NUDT5: variants seen among roughly 807,000 people sequenced by gnomAD.
NUDT5 encodes the protein ADP-sugar pyrophosphatase.
In NUDT5, 21 loss-of-function variants were observed where a neutral mutation model predicts 34.1. The ratio of observed to expected loss-of-function variants is 0.62; its 90% confidence interval spans 0.44 to 0.89. NUDT5 has a LOEUF of 0.89. Among genes scored for constraint, NUDT5 ranks in the 40% least tolerant of loss-of-function variants. NUDT5 has a pLI of 0.00. For synonymous variants in NUDT5, 85 were observed against 97.6 expected (o/e 0.87, Z 0.76); for missense variants, 249 against 274.8 (o/e 0.91, Z 0.66).
chr10:12,185,089 G>C (rs1835104402), intron 2 of NUDT5, 133 bp from the exon 3 acceptor site: 3 of 563,028 alleles, frequency 5.3e-6, no homozygotes, highest in Non-Finnish European at 3.1e-6. Context: ...AATAATCTGT[G>C]GGCACGTTTT....
At chr10:12,194,843 A>C (rs919122597) in intron 1 of NUDT5, among the ~76,000 whole-genome samples, 2 of 152,194 alleles carry the variant, frequency 1.3e-5, no homozygotes, top group East Asian at 3.9e-4. Context: ...TCGTGTGGTA[A>C]GCGACACGAC....
At position 12,165,644 on chromosome 10, in the gene NUDT5, G is replaced by C. The variant is rs1006695505; in HGVS notation, c.*2058C>G. 2.0e-5 allele frequency: 3 copies of C among 152,290 alleles called. No individual in the cohort carries two copies. Among genetic ancestry groups the C allele is most frequent in the African/African-American group, 7.2e-5 (3 of 41,444 alleles). The allele number at this position is 152,290 out of a possible 1,614,324, so 9.4% of individuals were successfully genotyped here. ...CTCCATTTGAAAGAGCATAGATCTT[G>C]GTAAATCATTTTGAAAACTATGTGC... On this transcript the variant is annotated 3_prime_UTR_variant, in exon 10 of 10. Coordinates refer to ENST00000491614, the MANE Select transcript of NUDT5 (RefSeq NM_014142.4).
At chr10:12,172,564 A>G (rs916101297) in intron 7 of NUDT5, 1 of 590,374 alleles carries the variant, frequency 1.7e-6, no homozygotes, top group Non-Finnish European at 3.0e-6. Context: ...TTTACAAAGA[A>G]AGCGTAAAGA....
rs371982825 is a variant in NUDT5, at chr10:12,186,237, A to T, written c.55T>A (p.Ser19Thr). The part of the protein sequence containing the change: ...SSQNGKQYII[S>T]EELISEGKWV... ...TGAAAAACAAGTTATACCTCCTCTG[A>T]AATGATATACTGTTTGCCATTCTGA... is the stretch of plus-strand genomic sequence containing the variant. Residue 19 changes from serine (S) to threonine (T), a missense_variant, in exon 2 of 10, where the codon TCA (serine) becomes ACA (threonine). Ser to Thr is a moderately conservative substitution (Grantham distance 58). Coordinates refer to ENST00000491614, the MANE Select transcript of NUDT5 (RefSeq NM_014142.4). 4.3e-6 allele frequency: 7 copies of T among 1,613,048 alleles called. No individual in the cohort carries two copies. In the African/African-American group the frequency reaches 6.7e-5, roughly 15 times the overall value.
chr10:12,184,666 G>A, intron 3 of NUDT5: 1 of 804,292 alleles, frequency 1.2e-6, no homozygotes, highest in Non-Finnish European at 1.9e-6. Flanking sequence ...AGGGAGAATG[G>A]TATTAAAATA....
In NUDT5 at chr10:12,167,439, A is replaced by G. The variant is rs1398951623; in HGVS notation, c.*263T>C. ...TAGAAAAGTAACTGAGCTGTAGTTA[A>G]CTGCTGTTGAGCTTTAAAAAAATTG... is the stretch of plus-strand genomic sequence containing the variant. On this transcript the variant is annotated 3_prime_UTR_variant, in exon 10 of 10. Coordinates refer to ENST00000491614, the MANE Select transcript of NUDT5 (RefSeq NM_014142.4). The G allele has an allele frequency of 1.4e-5, 5 of 363,334 alleles. No individual in the cohort carries two copies. Among genetic ancestry groups the G allele is most frequent in the African/African-American group, 6.5e-5 (3 of 46,194 alleles). 22.5% of individuals were successfully genotyped at this position (363,334 alleles called of 1,614,324 possible).
chr10:12,186,166 T>C (rs1430364805), intron 2 of NUDT5, 63 bp downstream of exon 2: 20 of 1,210,844 alleles, frequency 1.7e-5, no homozygotes, highest in Non-Finnish European at 2.1e-5. Flanking sequence ...CAACAGTCTA[T>C]ATATTTCTGC....
intron 5 of NUDT5, 131 bp downstream of exon 5, chr10:12,177,662 C>T (rs542730952): frequency 1.2e-5 from 8 of 687,014 alleles, no homozygotes; most frequent in African/African-American, 5.4e-5. Flanking sequence ...AGCCTCGCTA[C>T]GAAATGGTTT....
chr10:12,184,967 A>G lies in NUDT5; in HGVS notation c.64-11T>C, dbSNP rs952942465. ...TCCTTCTGAAATTAACTAAAAGGATATCAGATAATAAGTTGGGAAACTTTC... is the reference window on the plus strand; with the variant it reads ...TCCTTCTGAAATTAACTAAAAGGATGTCAGATAATAAGTTGGGAAACTTTC... On this transcript the variant is annotated splice_polypyrimidine_tract_variant and intron_variant, in intron 2 of 9. Transcript: ENST00000491614. 1.4e-6 allele frequency: 2 copies of G among 1,449,310 alleles called. No homozygotes were observed. The highest frequency in any genetic ancestry group is 4.5e-5 in the East Asian group (2 of 44,010). 89.8% of individuals were successfully genotyped at this position (1,449,310 alleles called of 1,614,324 possible).
intron 2 of NUDT5, among the ~76,000 whole-genome samples, chr10:12,185,628 C>A (rs995881022): frequency 5.9e-5 from 9 of 152,216 alleles, no homozygotes; most frequent in African/African-American, 2.2e-4. Context: ...TCACTTCTTG[C>A]CAGCAGCAAC....
chr10:12,177,827 T>C lies in NUDT5; in HGVS notation c.255A>G (p.Pro85=). The change falls in exon 5 of 10, where the codon CCA becomes CCG. Residue 85 remains proline (P), a synonymous_variant. Coordinates refer to ENST00000491614, the MANE Select transcript of NUDT5 (RefSeq NM_014142.4). ...ACTCTATGCAGTAGCCCCCCATTGG[T>C]GGTCGGAACTGTTTCACCAGAACGA... The part of the protein sequence containing the change: ...ECIVLVKQFR[P]PMGGYCIEFP... 1 of 1,614,098 alleles carries C rather than the reference T, an allele frequency of 6.2e-7. No homozygotes were observed. The highest frequency in any genetic ancestry group is 2.2e-5 in the East Asian group (1 of 44,886).
At position 12,170,089 on chromosome 10, in the gene NUDT5, T is replaced by C. The variant is rs562296135; in HGVS notation, c.550+628A>G. The C allele has an allele frequency of 3.1e-6, 5 of 1,608,662 alleles. No individual in the cohort carries two copies. The African/African-American group carries it at 6.7e-5, about 21-fold the overall frequency. ...CACACAGTATCTCCTCATGTCTCCA[T>C]ACAGTATCTCCTCTCGTGGTTTTAT... On this transcript the variant is annotated intron_variant, in intron 9 of 9. Transcript: ENST00000491614. This position sits in a 1 kb window ranked among gnomAD's most constrained non-coding sequence, Gnocchi z 4.9.
In NUDT5 at chr10:12,170,187, T is replaced by G. The variant is rs11257577; in HGVS notation, c.550+530A>C. 8.1e-6 allele frequency: 13 copies of G among 1,612,016 alleles called. No individual in the cohort carries two copies. Among genetic ancestry groups the G allele is most frequent in the Non-Finnish European group, 9.3e-6 (11 of 1,179,412 alleles). On this transcript the variant is annotated intron_variant, in intron 9 of 9. Coordinates refer to ENST00000491614, the MANE Select transcript of NUDT5 (RefSeq NM_014142.4). This position sits in a 1 kb window ranked among gnomAD's most constrained non-coding sequence, Gnocchi z 4.9. The stretch of plus-strand genomic sequence containing the variant: ...AGATGGGTGGCCAAGAATTATACAA[T>G]GCATCTACATGACCAGTGATTTCTA...
chr10:12,177,088 C>T (rs1834962894), intron 5 of NUDT5, among the ~76,000 whole-genome samples: 1 of 150,600 alleles, frequency 6.6e-6, no homozygotes, highest in Non-Finnish European at 1.5e-5. Context: ...CGCCACCGCA[C>T]TCCAGCCTGG....
chr10:12,177,683 A>T, intron 5 of NUDT5, 110 bp downstream of exon 5: 1 of 805,432 alleles, frequency 1.2e-6, no homozygotes, highest in Non-Finnish European at 2.1e-6. Context: ...AGTTTTACTT[A>T]AAACCACAAG....
chr10:12,193,866 ACT>A lies in NUDT5; in HGVS notation c.-42+1902_-42+1903del, dbSNP rs1289068491. 8.3e-5 allele frequency among the ~76,000 whole-genome samples: 12 copies of A among 143,930 alleles called. No homozygotes were observed. The East Asian group carries it at 2.4e-3, about 29-fold the overall frequency. The allele number at this position is 143,930 out of a possible 152,430, so 94.4% of individuals were successfully genotyped here. Reference sequence around the variant, plus strand: ...GCTTTGCAACTGCCTTAATCTCTACACTCTTTTTTTTTTTTTTCCCGAGACGG... The same window carrying A: ...GCTTTGCAACTGCCTTAATCTCTACACTTTTTTTTTTTTTTCCCGAGACGG... On this transcript the variant is annotated intron_variant, in intron 1 of 9. Coordinates refer to ENST00000491614, the MANE Select transcript of NUDT5 (RefSeq NM_014142.4).
rs200505437 is a variant in NUDT5, at chr10:12,167,657, G to T, written c.*45C>A. On this transcript the variant is annotated 3_prime_UTR_variant, in exon 10 of 10. Transcript: ENST00000491614. Reference sequence around the variant, plus strand: ...TGAATACAAAGTCTTAGTGAAGAAGGCCTGGTGGTCTCGTTTACAAAAATG... The same window carrying T: ...TGAATACAAAGTCTTAGTGAAGAAGTCCTGGTGGTCTCGTTTACAAAAATG... 1 of 1,562,612 alleles carries T rather than the reference G, an allele frequency of 6.4e-7. No individual in the cohort carries two copies.
chr10:12,170,537 ACT>A lies in NUDT5; in HGVS notation c.550+178_550+179del. On this transcript the variant is annotated intron_variant, in intron 9 of 9. Coordinates refer to ENST00000491614, the MANE Select transcript of NUDT5 (RefSeq NM_014142.4). This position sits in a 1 kb window ranked among gnomAD's most constrained non-coding sequence, Gnocchi z 4.9. ...CAGAATGCTTTGCTCTTATTTTCAA[ACT>A]CTGTGCCACCCAGAAAGGAAAATTA... 2 of 676,848 alleles carry A rather than the reference ACT, an allele frequency of 3.0e-6. No individual in the cohort carries two copies. Among genetic ancestry groups the A allele is most frequent in the Non-Finnish European group, 5.1e-6 (2 of 389,900 alleles). The allele number at this position is 676,848 out of a possible 1,614,324, so 41.9% of individuals were successfully genotyped here. A position where few individuals can be genotyped will look rare whatever the true frequency, so the allele number is the denominator to read the frequency against.
At position 12,181,013 on chromosome 10, in the gene NUDT5, C is replaced by T. The variant is rs913891646; in HGVS notation, c.132-1881G>A. Reference sequence around the variant, plus strand: ...CCCTTTCATGAATGAGACGGTGGAACATAGGATTCTCTAGCTGCTATTTTA... The same window carrying T: ...CCCTTTCATGAATGAGACGGTGGAATATAGGATTCTCTAGCTGCTATTTTA... On this transcript the variant is annotated intron_variant, in intron 3 of 9. Transcript: ENST00000491614. The surrounding 1 kb of genome is among the most constrained non-coding windows in gnomAD (Gnocchi z 5.0). Among the ~76,000 whole-genome samples the T allele has an allele frequency of 2.0e-5, 3 of 152,146 alleles. No individual in the cohort carries two copies. The highest frequency in any genetic ancestry group is 4.4e-5 in the Non-Finnish European group (3 of 68,018).
Sources: allele counts gnomAD v4.1 joint callset (sites outside exome capture counted in the v4.1 genomes callset), GRCh38; gene constraint gnomAD v4.1.1; non-coding constraint Gnocchi (gnomAD v3.1); transcripts MANE v1.5; gene names NCBI Gene and HGNC (gene_info 2026-07-23, HGNC 2026-07-21).